Variants in SPAG16 observed in about 807,000 individuals in gnomAD.
SPAG16 encodes sperm associated antigen 16.
SPAG16 carries 86 observed loss-of-function variants against 80.4 expected under a neutral mutation model. That is an observed-to-expected ratio of 1.07 (90% CI 0.90 to 1.28). SPAG16 has a LOEUF of 1.28. Among genes scored for constraint, SPAG16 ranks in the 50% most tolerant of loss-of-function variants. The pLI is 0.00. For synonymous variants in SPAG16, 294 were observed against 265.9 expected (o/e 1.11, Z -1.03); for missense variants, 870 against 765.3 (o/e 1.14, Z -1.61).
At chr2:214,179,458 C>G (rs2057239400) in intron 15 of SPAG16, among the ~76,000 whole-genome samples, 1 of 151,430 alleles carries the variant, frequency 6.6e-6, no homozygotes, top group Non-Finnish European at 1.5e-5. Context: ...CTGTTTGCAG[C>G]CACCTCTTTT....
chr2:213,677,940 A>T (rs2064175939), intron 10 of SPAG16, among the ~76,000 whole-genome samples: 1 of 152,026 alleles, frequency 6.6e-6, no homozygotes, highest in East Asian at 1.9e-4. Context: ...AGTGCAATCA[A>T]ACTAGAACTC....
At chr2:213,436,595 G>A (rs2070653846) in intron 9 of SPAG16, among the ~76,000 whole-genome samples, 1 of 151,886 alleles carries the variant, frequency 6.6e-6, no homozygotes, top group Admixed American at 6.6e-5. Flanking sequence ...TGATTTTATT[G>A]TATTATATTT....
chr2:213,443,948 A>C (rs1028776195), intron 9 of SPAG16, among the ~76,000 whole-genome samples: 1 of 152,106 alleles, frequency 6.6e-6, no homozygotes, highest in African/African-American at 2.4e-5. Context: ...CTATTAGGCT[A>C]TTTAAAAGCC....
At chr2:214,275,865 G>A (rs900000290) in intron 15 of SPAG16, among the ~76,000 whole-genome samples, 2 of 152,110 alleles carry the variant, frequency 1.3e-5, no homozygotes, top group African/African-American at 2.4e-5. Context: ...CTTCTGTCTC[G>A]TTGATCTGTC....
intron 13 of SPAG16, among the ~76,000 whole-genome samples, chr2:214,049,552 A>T (rs1368192296): frequency 6.6e-6 from 1 of 152,216 alleles, no homozygotes; most frequent in Non-Finnish European, 1.5e-5. Flanking sequence ...GTTTCTGTTG[A>T]TATAAATTGT....
At chr2:213,829,159 G>C (rs1444714969) in intron 10 of SPAG16, among the ~76,000 whole-genome samples, 1 of 152,164 alleles carries the variant, frequency 6.6e-6, no homozygotes, top group Non-Finnish European at 1.5e-5. Context: ...CAGAGTTGCT[G>C]TCTGGGAGCC....
Position 214,393,076 on chromosome 2 carries a change from T to G in SPAG16, c.1721-17064T>G, listed in dbSNP as rs78562212. Among the ~76,000 whole-genome samples, 1,315 of 152,354 alleles carry G rather than the reference T, an allele frequency of 8.6e-3. 12 individuals are homozygous for G. The highest frequency in any genetic ancestry group is 0.015 in the Admixed American group (224 of 15,298). ...TTAAGGCAGAAGTTATTTTTCACTA[T>G]AGTTCTATAGAACTTGATTTCTTAA... On this transcript the variant is annotated intron_variant, in intron 15 of 15. Coordinates refer to ENST00000331683, the MANE Select transcript of SPAG16 (RefSeq NM_024532.5).
At chr2:213,367,342 A>T (rs1460997453) in intron 8 of SPAG16, among the ~76,000 whole-genome samples, 1 of 152,002 alleles carries the variant, frequency 6.6e-6, no homozygotes, top group African/African-American at 2.4e-5. Flanking sequence ...TTTCTAGTTC[A>T]AGATCTTTGA....
chr2:214,020,221 C>A (rs529051816), intron 13 of SPAG16, among the ~76,000 whole-genome samples: 2 of 152,254 alleles, frequency 1.3e-5, no homozygotes, highest in African/African-American at 4.8e-5. Flanking sequence ...TCTTCCATGC[C>A]CTTGGCCATT....
chr2:213,433,399 A>G (rs2070423452), intron 9 of SPAG16, among the ~76,000 whole-genome samples: 1 of 152,242 alleles, frequency 6.6e-6, no homozygotes, highest in Non-Finnish European at 1.5e-5. Flanking sequence ...TGTATTTAGT[A>G]AAGTTTTATT....
At chr2:214,160,453 T>A (rs1034748873) in intron 15 of SPAG16, among the ~76,000 whole-genome samples, 3 of 151,948 alleles carry the variant, frequency 2.0e-5, no homozygotes, top group Non-Finnish European at 2.9e-5. Flanking sequence ...TACTCCCCCT[T>A]AGCTCCTTTC....
chr2:214,202,649 G>A (rs2058041833), intron 15 of SPAG16, among the ~76,000 whole-genome samples: 1 of 152,168 alleles, frequency 6.6e-6, no homozygotes, highest in Admixed American at 6.6e-5. Flanking sequence ...TGCACTGGCA[G>A]GAGTTTGAAG....
intron 12 of SPAG16, among the ~76,000 whole-genome samples, chr2:213,934,654 A>C (rs1414571993): frequency 6.6e-6 from 1 of 152,216 alleles, no homozygotes; most frequent in Non-Finnish European, 1.5e-5. Context: ...AATGATATTT[A>C]TTAGCCTCAA....
rs540237236 is a variant in SPAG16 at position 213,922,799 on chromosome 2, T to G, written c.1215-7161T>G. The stretch of plus-strand genomic sequence containing the variant: ...ATTCTAGTACACTACTGGGTCTTGG[T>G]GGCACCCTCTATGATTACTGTCTGC... On this transcript the variant is annotated intron_variant, in intron 11 of 15. Coordinates refer to ENST00000331683, the MANE Select transcript of SPAG16 (RefSeq NM_024532.5). Among the ~76,000 whole-genome samples the G allele has an allele frequency of 3.9e-5, 6 of 152,308 alleles. No homozygotes were observed. In the East Asian group the frequency reaches 1.2e-3, roughly 29 times the overall value.
In SPAG16 at chr2:214,041,978, GTATATA is replaced by G. The variant is rs1158447338; in HGVS notation, c.1527+27926_1527+27931del. Among the ~76,000 whole-genome samples, 752 of 116,366 alleles carry G rather than the reference GTATATA, an allele frequency of 6.5e-3. 9 individuals are homozygous for G. The highest frequency in any genetic ancestry group is 0.029 in the Middle Eastern group (6 of 206). The allele number at this position is 116,366 out of a possible 152,430, so 76.3% of individuals were successfully genotyped here. On this transcript the variant is annotated intron_variant, in intron 13 of 15. Coordinates refer to ENST00000331683, the MANE Select transcript of SPAG16 (RefSeq NM_024532.5). ...TGTATATATTTGTGTGTCTGTGTGT[GTATATA>G]TATATATATATATATATATATATAC...
In SPAG16 at chr2:214,154,498, A is replaced by ACC. The variant is rs67537759; in HGVS notation, c.1720+5243_1720+5244dup. On this transcript the variant is annotated intron_variant, in intron 15 of 15. Coordinates refer to ENST00000331683, the MANE Select transcript of SPAG16 (RefSeq NM_024532.5). ...CCATTCAAAATGCAAAAAGTATCAG[A>ACC]CCCCCCCCCCCCATTTTTTCATAAC... is the stretch of plus-strand genomic sequence containing the variant. Among the ~76,000 whole-genome samples, 13 of 119,192 alleles carry ACC rather than the reference A, an allele frequency of 1.1e-4. No individual in the cohort carries two copies. The East Asian group carries it at 1.2e-3, about 11-fold the overall frequency. The allele number at this position is 119,192 out of a possible 152,430, so 78.2% of individuals were successfully genotyped here.
chr2:214,341,982 A>G (rs537867583), intron 15 of SPAG16, among the ~76,000 whole-genome samples: 1 of 152,264 alleles, frequency 6.6e-6, no homozygotes, highest in Admixed American at 6.5e-5. Context: ...AAAACTGACT[A>G]AAAGTTCTCT....
intron 11 of SPAG16, among the ~76,000 whole-genome samples, chr2:213,890,257 A>G (rs1311891928): frequency 1.3e-5 from 2 of 152,092 alleles, no homozygotes; most frequent in Non-Finnish European, 2.9e-5. Context: ...ACACCCGAAT[A>G]TAGAACTGTA....
chr2:213,655,292 A>C (rs908011328), intron 10 of SPAG16, among the ~76,000 whole-genome samples: 3 of 152,188 alleles, frequency 2.0e-5, no homozygotes, highest in African/African-American at 7.2e-5. Flanking sequence ...AGCTAATCTG[A>C]AAATTAATGT....
Sources: gnomAD v4.1 joint callset for allele counts (sites outside exome capture counted in the v4.1 genomes callset) on GRCh38, gnomAD v4.1.1 for gene constraint, MANE v1.5 for transcripts, NCBI Gene and HGNC (gene_info 2026-07-23, HGNC 2026-07-21) for gene names.